Variants in CTNND2 observed in about 807,000 individuals in gnomAD.
CTNND2 encodes catenin delta 2.
In CTNND2, 22 loss-of-function variants were observed where a neutral mutation model predicts 144.4. The ratio of observed to expected loss-of-function variants is 0.15; its 90% confidence interval spans 0.11 to 0.22. The LOEUF (loss-of-function observed/expected upper bound fraction) is 0.22, where lower values mean the gene tolerates loss of function less well. Ranked by LOEUF, CTNND2 falls within the 10% of genes least tolerant of loss-of-function variation. CTNND2 has a pLI of 1.00. For synonymous variants in CTNND2, 751 were observed against 695.6 expected, an observed-to-expected ratio of 1.08 and a Z score of -1.25; for missense variants, 1,353 against 1,618.8, an observed-to-expected ratio of 0.84 and a Z score of 2.82.
intron 3 of CTNND2, among the ~76,000 whole-genome samples, chr5:11,429,776 G>A (rs1763110249): frequency 6.6e-6 from 1 of 152,180 alleles, no homozygotes; most frequent in African/African-American, 2.4e-5. Context: ...TGATGAAAGA[G>A]TGTCTAGCAA....
At chr5:11,039,417 C>G (rs1744438555) in intron 16 of CTNND2, among the ~76,000 whole-genome samples, 1 of 152,178 alleles carries the variant, frequency 6.6e-6, no homozygotes, top group Non-Finnish European at 1.5e-5. Context: ...TCCTTTCACA[C>G]AGTGGACGAT....
intron 15 of CTNND2, among the ~76,000 whole-genome samples, chr5:11,083,323 C>T (rs7734543): frequency 0.19 from 28,909 of 152,096 alleles, 3,343 homozygotes; most frequent in Middle Eastern, 0.3. Flanking sequence ...GTCAATAAGT[C>T]GTTTGCTGAA....
At chr5:11,067,648 G>T (rs1274944971) in intron 16 of CTNND2, among the ~76,000 whole-genome samples, 1 of 152,142 alleles carries the variant, frequency 6.6e-6, no homozygotes, top group Non-Finnish European at 1.5e-5. Flanking sequence ...CCTTGAGTGG[G>T]GCAGGAAACC....
At chr5:11,873,510 A>C (rs1735319976) in intron 1 of CTNND2, among the ~76,000 whole-genome samples, 1 of 152,222 alleles carries the variant, frequency 6.6e-6, no homozygotes, top group African/African-American at 2.4e-5. Context: ...CTGGATCACA[A>C]AGAGATTTTA....
intron 3 of CTNND2, among the ~76,000 whole-genome samples, chr5:11,451,186 G>A (rs1430005664): frequency 1.3e-5 from 2 of 151,946 alleles, no homozygotes; most frequent in Non-Finnish European, 2.9e-5. Context: ...TGTGTGTATT[G>A]TTGGTGTATG....
chr5:11,125,077 A>C (rs1406389945), intron 12 of CTNND2, among the ~76,000 whole-genome samples: 2 of 152,152 alleles, frequency 1.3e-5, no homozygotes, highest in East Asian at 3.9e-4. Context: ...ATCATTGTCC[A>C]AAAAGCCCAT....
intron 2 of CTNND2, among the ~76,000 whole-genome samples, chr5:11,608,109 A>C (rs1235556196): frequency 1.3e-5 from 2 of 152,180 alleles, no homozygotes. Context: ...CACATACCAG[A>C]TGCAATGTGA....
intron 9 of CTNND2, among the ~76,000 whole-genome samples, chr5:11,265,440 G>A (rs1397711130): frequency 6.6e-6 from 1 of 152,122 alleles, no homozygotes; most frequent in Non-Finnish European, 1.5e-5. Context: ...CACAACACAA[G>A]CCCTTCTTTT....
chr5:11,574,332 C>T (rs1246402463), intron 2 of CTNND2, among the ~76,000 whole-genome samples: 5 of 151,984 alleles, frequency 3.3e-5, no homozygotes, highest in Non-Finnish European at 5.9e-5. Context: ...ATTTGATTGT[C>T]GGGGACATCT....
At chr5:11,783,702 T>C (rs1369365243) in intron 1 of CTNND2, among the ~76,000 whole-genome samples, 1 of 152,156 alleles carries the variant, frequency 6.6e-6, no homozygotes, top group Non-Finnish European at 1.5e-5. Flanking sequence ...CTGTATGCAA[T>C]GGAGGAGAAA....
chr5:11,315,965 C>T (rs1413660412), intron 9 of CTNND2, among the ~76,000 whole-genome samples: 1 of 152,168 alleles, frequency 6.6e-6, no homozygotes, highest in Non-Finnish European at 1.5e-5. Flanking sequence ...CCATTACCAA[C>T]CTGGATTAAA....
At chr5:10,986,933 C>T (rs1016894375) in intron 20 of CTNND2, among the ~76,000 whole-genome samples, 9 of 152,234 alleles carry the variant, frequency 5.9e-5, no homozygotes, top group Non-Finnish European at 1.5e-5. Flanking sequence ...CAGTCTACAC[C>T]TAAATACTAC....
chr5:11,667,517 T>C (rs537162137), intron 2 of CTNND2, among the ~76,000 whole-genome samples: 26 of 152,248 alleles, frequency 1.7e-4, no homozygotes, highest in Non-Finnish European at 3.4e-4. Flanking sequence ...TAATGACCAG[T>C]GATGATGAGC....
At chr5:11,181,949 G>T (rs1306645903) in intron 11 of CTNND2, among the ~76,000 whole-genome samples, 3 of 144,212 alleles carry the variant, frequency 2.1e-5, no homozygotes, top group East Asian at 4.3e-4. Context: ...TGTGTGGGGG[G>T]GTGCGTGGTA....
chr5:11,346,517 G>C lies in CTNND2; in HGVS notation c.1483C>G (p.Pro495Ala). The change falls in exon 9 of 22, where the codon CCA (proline) becomes GCA (alanine). Residue 495 changes from proline (P) to alanine (A), a missense_variant. This residue lies in a region of CTNND2 where 708 missense variants were observed against 706.4 expected (regional missense o/e 1.00). Coordinates refer to ENST00000304623, the MANE Select transcript of CTNND2 (RefSeq NM_001332.4). ...TFQRASYAAGPASNYADPYRQ... is the reference protein window; with the variant it reads ...TFQRASYAAGAASNYADPYRQ... ...TAGGGGTCCGCGTAATTGGAGGCTG[G>C]GCCGGCGGCATAGCTGGCCCTCTGG... The C allele has an allele frequency of 1.2e-6, 2 of 1,606,056 alleles. No homozygotes were observed. The highest frequency in any genetic ancestry group is 1.7e-6 in the Non-Finnish European group (2 of 1,176,574).
intron 3 of CTNND2, among the ~76,000 whole-genome samples, chr5:11,554,768 C>G (rs1049442394): frequency 2.0e-5 from 3 of 151,904 alleles, no homozygotes; most frequent in Admixed American, 2.0e-4. Flanking sequence ...GGACATCAAG[C>G]TATCTGGCCC....
At chr5:11,304,870 G>T (rs1339571900) in intron 9 of CTNND2, among the ~76,000 whole-genome samples, 1 of 152,204 alleles carries the variant, frequency 6.6e-6, no homozygotes, top group Non-Finnish European at 1.5e-5. Context: ...TTTCCCACTA[G>T]TCTAAGCTCA....
chr5:11,368,114 G>A (rs1757146035), intron 7 of CTNND2, among the ~76,000 whole-genome samples: 2 of 152,178 alleles, frequency 1.3e-5, no homozygotes, highest in South Asian at 4.1e-4. Context: ...TTGGCTTACA[G>A]GTTAAGGAAG....
At chr5:11,421,168 A>T (rs1561367365) in intron 3 of CTNND2, among the ~76,000 whole-genome samples, 1 of 152,184 alleles carries the variant, frequency 6.6e-6, no homozygotes, top group Non-Finnish European at 1.5e-5. Flanking sequence ...GCACCATGAC[A>T]GTTGGCAATC....
Sources: gnomAD v4.1 joint callset for allele counts (sites outside exome capture counted in the v4.1 genomes callset) on GRCh38, gnomAD v4.1.1 for gene constraint, gnomAD v4.1.1 regional missense constraint, MANE v1.5 for transcripts, NCBI Gene and HGNC (gene_info 2026-07-23, HGNC 2026-07-21) for gene names.